The following MYO9A variants were observed in gnomAD, a reference collection of about 807,000 sequenced individuals.
MYO9A encodes the protein unconventional myosin-IXa.
In MYO9A, 103 loss-of-function variants were observed where a neutral mutation model predicts 293.3. The ratio of observed to expected loss-of-function variants is 0.35; its 90% CI spans 0.30 to 0.41. The LOEUF (loss-of-function observed/expected upper bound fraction) is 0.41, where lower values mean the gene tolerates loss of function less well. Among genes scored for constraint, MYO9A ranks in the 10% least tolerant of loss-of-function variants. MYO9A has a pLI of 1.00. For missense variants in MYO9A, 2,685 were observed against 3,033.0 expected (o/e 0.89, Z 2.69); for synonymous variants, 1,001 against 1,035.7 (o/e 0.97, Z 0.64).
chr15:71,852,021 T>C, intron 36 of MYO9A, 111 bp downstream of exon 36: 1 of 1,246,092 alleles, frequency 8.0e-7, no homozygotes, highest in South Asian at 2.2e-5. Flanking sequence ...AAGCTTACCT[T>C]TGAATCTATA....
chr15:72,118,134 C>G lies in MYO9A; in HGVS notation c.-526G>C, dbSNP rs1281586843. 5.3e-6 allele frequency: 2 copies of G among 379,746 alleles called. No individual in the cohort carries two copies. The highest frequency in any genetic ancestry group is 9.3e-6 in the Non-Finnish European group (2 of 214,204). The allele number at this position is 379,746 out of a possible 1,614,324, so 23.5% of individuals were successfully genotyped here. A position where few individuals can be genotyped will look rare whatever the true frequency, so the allele number is the denominator to read the frequency against. On this transcript the variant is annotated 5_prime_UTR_variant, in exon 1 of 42. Transcript: ENST00000356056. ...CCCCGCGCGACTCCCCGGCTGCAGG[C>G]GAGCAGGCGCGCGCGCACTTACCTC...
At chr15:72,091,287 T>C (rs879384765) in intron 1 of MYO9A, among the ~76,000 whole-genome samples, 1 of 152,114 alleles carries the variant, frequency 6.6e-6, no homozygotes, top group Non-Finnish European at 1.5e-5. Context: ...ACAAACAAAA[T>C]TCACCATTTC....
intron 19 of MYO9A, among the ~76,000 whole-genome samples, chr15:71,911,109 A>G (rs2057835631): frequency 6.6e-6 from 1 of 152,128 alleles, no homozygotes; most frequent in Non-Finnish European, 1.5e-5. Flanking sequence ...CCAGGCAACT[A>G]CCAATCTGCT....
At chr15:71,871,842 C>T (rs1339330121) in intron 32 of MYO9A, among the ~76,000 whole-genome samples, 3 of 151,470 alleles carry the variant, frequency 2.0e-5, no homozygotes, top group Non-Finnish European at 4.4e-5. Context: ...AAAGTAACAA[C>T]ATAATTCCAC....
chr15:71,915,500 T>A (rs2057985065), intron 19 of MYO9A, among the ~76,000 whole-genome samples: 2 of 151,828 alleles, frequency 1.3e-5, no homozygotes, highest in Admixed American at 1.3e-4. Flanking sequence ...TTTAGGCCCA[T>A]GGTGAGAATT....
At chr15:71,893,131 C>T (rs762083921) in intron 26 of MYO9A, 5 of 1,287,862 alleles carry the variant, frequency 3.9e-6, no homozygotes, top group South Asian at 2.5e-5. Context: ...GAAATCGGAG[C>T]GCGTCCGCGC....
rs538650757 is a variant in MYO9A at position 72,110,511 on chromosome 15, A to C, written c.-72+7169T>G. On this transcript the variant is annotated intron_variant, in intron 1 of 41. Coordinates refer to ENST00000356056, the MANE Select transcript of MYO9A (RefSeq NM_006901.4). ...TATCATCTGATCAATAAAAATAAAC[A>C]GATTTCAAACAAATACTTACACACT... Among the ~76,000 whole-genome samples the C allele has an allele frequency of 3.9e-5, 6 of 152,150 alleles. No homozygotes were observed. The South Asian group carries it at 1.2e-3, about 32-fold the overall frequency.
intron 39 of MYO9A, among the ~76,000 whole-genome samples, chr15:71,836,758 C>G (rs1335002209): frequency 2.6e-5 from 4 of 151,900 alleles, no homozygotes; most frequent in Non-Finnish European, 5.9e-5. Context: ...TTAGGTAAAG[C>G]AAAACTACAG....
intron 32 of MYO9A, among the ~76,000 whole-genome samples, chr15:71,874,967 A>T (rs1288916160): frequency 1.3e-5 from 2 of 152,172 alleles, no homozygotes; most frequent in Non-Finnish European, 2.9e-5. Flanking sequence ...TCTGTATCCA[A>T]CAGCACTTTG....
intron 4 of MYO9A, among the ~76,000 whole-genome samples, chr15:72,023,695 CAAAAAAAA>C (rs368209775): frequency 1.9e-5 from 1 of 51,304 alleles, no homozygotes; most frequent in Admixed American, 2.1e-4. Flanking sequence ...AACTCTGTCT[CAAAAAAAA>C]AAAAAAAAAA....
In MYO9A at chr15:71,863,460, A is replaced by C. The variant is rs2056219642; in HGVS notation, c.5980-849T>G. Among the ~76,000 whole-genome samples, 5 of 150,030 alleles carry C rather than the reference A, an allele frequency of 3.3e-5. 1 individual carries two copies. In the South Asian group the frequency reaches 1.0e-3, roughly 31 times the overall value. On this transcript the variant is annotated intron_variant, in intron 32 of 41. Transcript: ENST00000356056. ...TTAAAAACAACTATATCTTTAAAGC[A>C]AAAAAAAATAGTGGCAAAAGGGGTA...
intron 8 of MYO9A, among the ~76,000 whole-genome samples, chr15:72,003,994 C>A (rs1011637432): frequency 3.9e-5 from 6 of 152,082 alleles, no homozygotes; most frequent in African/African-American, 1.4e-4. Flanking sequence ...TTACCTAGCA[C>A]AAAAACCTGA....
At chr15:71,885,115 C>T (rs762902155) in intron 27 of MYO9A, among the ~76,000 whole-genome samples, 1 of 151,992 alleles carries the variant, frequency 6.6e-6, no homozygotes, top group Non-Finnish European at 1.5e-5. Context: ...TTTTGAATTG[C>T]TTTAACTAAT....
At chr15:71,867,230 C>T (rs1210354085) in intron 32 of MYO9A, among the ~76,000 whole-genome samples, 2 of 151,944 alleles carry the variant, frequency 1.3e-5, no homozygotes, top group Non-Finnish European at 2.9e-5. Context: ...TCATATCCCA[C>T]ACTGCACACC....
chr15:72,046,027 A>C lies in MYO9A; in HGVS notation c.537T>G (p.Val179=). Residue 179 remains valine, a synonymous_variant, in exon 2 of 42, where the codon GTT becomes GTG. Transcript: ENST00000356056. ...GGTTAATAACTATTAGAATACTGCC[A>C]ACATAGGTATAAATTTTTTCATGCT... is the stretch of plus-strand genomic sequence containing the variant. ...RFKHEKIYTY[V]GSILIVINPF... is the part of the protein sequence containing the mutation. 6.2e-7 allele frequency: 1 copy of C among 1,613,620 alleles called. No individual in the cohort carries two copies. Among genetic ancestry groups the C allele is most frequent in the Non-Finnish European group, 8.5e-7 (1 of 1,179,816 alleles).
In MYO9A at chr15:71,981,641, G is replaced by GTCTCTCTCTCTCTCTCTC. The variant is rs142432028; in HGVS notation, c.1723-3367_1723-3350dup. Reference sequence around the variant, plus strand: ...TTATTTATATCCCTCTCTCTGTCTTGTCTCTCTCTCTCTCTCTCTCTCTCT... The same window carrying GTCTCTCTCTCTCTCTCTC: ...TTATTTATATCCCTCTCTCTGTCTTGTCTCTCTCTCTCTCTCTCTCTCTCTCTCTCTCTCTCTCTCTCT... On this transcript the variant is annotated intron_variant, in intron 11 of 41. Coordinates refer to ENST00000356056, the MANE Select transcript of MYO9A (RefSeq NM_006901.4). Among the ~76,000 whole-genome samples the GTCTCTCTCTCTCTCTCTC allele has an allele frequency of 3.4e-3, 491 of 144,472 alleles. 5 individuals are homozygous for GTCTCTCTCTCTCTCTCTC. The highest frequency in any genetic ancestry group is 4.9e-3 in the Non-Finnish European group (323 of 65,376). The allele number at this position is 144,472 out of a possible 152,430, so 94.8% of individuals were successfully genotyped here. A position where few individuals can be genotyped will look rare whatever the true frequency, so the allele number is the denominator to read the frequency against.
chr15:72,099,389 C>T (rs546052562), intron 1 of MYO9A, among the ~76,000 whole-genome samples: 4 of 125,194 alleles, frequency 3.2e-5, no homozygotes, highest in Admixed American at 2.2e-4. Context: ...GGCAATGAGC[C>T]GAGATGCTGG....
At chr15:71,906,750 A>ATTTC (rs201457144) in intron 19 of MYO9A, among the ~76,000 whole-genome samples, 5,449 of 89,582 alleles carry the variant, frequency 0.061, 660 homozygotes, top group African/African-American at 0.097. Context: ...GATAATATCC[A>ATTTC]TTTCTTTCTT....
chr15:72,117,427 G>GC (rs2081030774), intron 1 of MYO9A, among the ~76,000 whole-genome samples: 1 of 152,098 alleles, frequency 6.6e-6, no homozygotes, highest in Non-Finnish European at 1.5e-5. Flanking sequence ...GGTCTGCTGG[G>GC]TTGGGGGGAC....
Sources: gnomAD v4.1 joint callset for allele counts (sites outside exome capture counted in the v4.1 genomes callset) on GRCh38, gnomAD v4.1.1 for gene constraint, MANE v1.5 for transcripts, NCBI Gene and HGNC (gene_info 2026-07-23, HGNC 2026-07-21) for gene names.